Variants in TUBB8 observed in about 807,000 individuals in gnomAD.
The protein encoded by TUBB8 is tubulin beta-8 chain.
Under a neutral mutation model 33.7 loss-of-function variants are expected in TUBB8, and 25 were observed. That is an observed-to-expected ratio of 0.74 (90% CI 0.54 to 1.04). The LOEUF (loss-of-function observed/expected upper bound fraction) is 1.04. TUBB8 is among the 50% of genes least tolerant of loss of function. The pLI is 0.00. For synonymous variants in TUBB8, 245 were observed against 240.1 expected (o/e 1.02, Z -0.19); for missense variants, 279 against 608.0 (o/e 0.46, Z 5.69).
rs782708970 is a variant in TUBB8 at position 49,212 on chromosome 10, G to A, written c.27C>T (p.Ile9=). ...CGCCGATCTGATTCCCGCACTGCCC[G>A]ATCTGCGTGAGCACGATCTCCCTCA... is the stretch of plus-strand genomic sequence containing the variant. MREIVLTQ[I]GQCGNQIGAK... Residue 9 remains isoleucine, a synonymous_variant, in exon 1 of 4, where the codon ATC becomes ATT. Coordinates refer to ENST00000568584, the MANE Select transcript of TUBB8 (RefSeq NM_177987.3). 2.4e-5 allele frequency: 38 copies of A among 1,582,958 alleles called. No individual in the cohort carries two copies. The highest frequency in any genetic ancestry group is 4.2e-4 in the Middle Eastern group (2 of 4,722).
chr10:59,154 T>C (rs1212826362), intron 1 of TUBB8, among the ~76,000 whole-genome samples: 1 of 152,210 alleles, frequency 6.6e-6, no homozygotes, highest in Admixed American at 6.5e-5. Flanking sequence ...TTTTATCAAA[T>C]ACTTTTTTAG....
chr10:65,183 A>G (rs1370247304), intron 1 of TUBB8, among the ~76,000 whole-genome samples: 2 of 152,204 alleles, frequency 1.3e-5, no homozygotes, highest in Non-Finnish European at 2.9e-5. Flanking sequence ...GACAAAGGCT[A>G]CAGGCACTCT....
intron 1 of TUBB8, 72 bp from the exon 2 acceptor site, chr10:48,984 C>T: frequency 7.8e-7 from 1 of 1,283,350 alleles, no homozygotes; most frequent in African/African-American, 1.5e-5. Flanking sequence ...CTCCCACCCC[C>T]ACCCTCATCC....
intron 1 of TUBB8, among the ~76,000 whole-genome samples, chr10:73,805 G>C (rs1554742701): frequency 6.6e-6 from 1 of 151,540 alleles, no homozygotes; most frequent in African/African-American, 2.4e-5. Flanking sequence ...AAACAAACTC[G>C]CATTCCTAAC....
At chr10:69,006 A>G (rs1347278204) in intron 1 of TUBB8, among the ~76,000 whole-genome samples, 5 of 152,250 alleles carry the variant, frequency 3.3e-5, no homozygotes, top group Non-Finnish European at 7.3e-5. Flanking sequence ...GAAACACCTC[A>G]GCCCAATGCT....
chr10:62,493 T>C (rs369253073), intron 1 of TUBB8, among the ~76,000 whole-genome samples: 1 of 152,082 alleles, frequency 6.6e-6, no homozygotes, highest in African/African-American at 2.4e-5. Context: ...TTTTTACTGG[T>C]TTATTGTTTA....
At chr10:63,025 C>T (rs145945079) in intron 1 of TUBB8, among the ~76,000 whole-genome samples, 3,787 of 151,824 alleles carry the variant, frequency 0.025, 43 homozygotes, top group Middle Eastern at 0.068. Flanking sequence ...ATGTTGATAT[C>T]GAATGTTGGG....
upstream of TUBB8, among the ~76,000 whole-genome samples, chr10:53,040 A>C (rs1422599377): frequency 6.6e-6 from 1 of 152,142 alleles, no homozygotes; most frequent in Non-Finnish European, 1.5e-5. Context: ...ATTGGACATA[A>C]AGTAAACAAA....
At chr10:54,737 TA>T (rs1564207956) in intron 1 of TUBB8, among the ~76,000 whole-genome samples, 2 of 152,166 alleles carry the variant, frequency 1.3e-5, no homozygotes, top group East Asian at 3.8e-4. Context: ...TGCACTGCTA[TA>T]AAAAAACTGA....
rs782198535 is a variant in TUBB8, at chr10:48,640, G to C, written c.252C>G (p.Val84=). 1.9e-6 allele frequency: 3 copies of C among 1,612,260 alleles called. No homozygotes were observed. The highest frequency in any genetic ancestry group is 2.2e-5 in the South Asian group (2 of 91,000). ...DSVRSGPFGQ[V]FRPDNFIFGQ... ...CGAAGATGAAGTTGTCTGGCCTGAA[G>C]ACCTGCCCGAAGGGCCCCGAGCGCA... Residue 84 remains valine (V), a synonymous_variant, in exon 3 of 4, where the codon GTC becomes GTG. Transcript: ENST00000568584.
rs1380391957 is a variant in TUBB8, at chr10:70,537, ATATAAAT to A, written c.-846+3425_-846+3431del. The stretch of plus-strand genomic sequence containing the variant: ...AAGAATTCTGTAAAAAACTAGAAAG[ATATAAAT>A]TAGAAGTCAAATAAGAGAAACTTAT... On this transcript the variant is annotated intron_variant, in intron 1 of 3. Coordinates refer to the TUBB8 transcript ENST00000564130. Among the ~76,000 whole-genome samples the A allele has an allele frequency of 4.6e-5, 7 of 152,336 alleles. No homozygotes were observed. In the East Asian group the frequency reaches 1.3e-3, roughly 29 times the overall value.
intron 1 of TUBB8, among the ~76,000 whole-genome samples, chr10:61,691 T>C (rs1241759139): frequency 6.6e-6 from 1 of 152,250 alleles, no homozygotes; most frequent in Non-Finnish European, 1.5e-5. Flanking sequence ...ATGACTAAAG[T>C]AGGGTGTCGA....
chr10:71,692 T>C (rs1438288757), intron 1 of TUBB8, among the ~76,000 whole-genome samples: 1 of 147,880 alleles, frequency 6.8e-6, no homozygotes, highest in Non-Finnish European at 1.5e-5. Flanking sequence ...TTTGGGAGGC[T>C]GACATGTAAG....
chr10:66,030 A>C (rs78601024), intron 1 of TUBB8, among the ~76,000 whole-genome samples: 16,234 of 114,962 alleles, frequency 0.14, no homozygotes, highest in African/African-American at 0.28. Context: ...ACTTTAGCAC[A>C]ATCTCCATTG....
intron 3 of TUBB8, 78 bp from the exon 4 acceptor site, chr10:48,192 C>G: frequency 1.9e-6 from 2 of 1,034,530 alleles, no homozygotes; most frequent in Non-Finnish European, 3.0e-6. Flanking sequence ...CAGAAAGAGC[C>G]AAGCGTCACA....
At chr10:51,131 GTTTA>G (rs1223405061), upstream of TUBB8, among the ~76,000 whole-genome samples, 13 of 152,118 alleles carry the variant, frequency 8.5e-5, no homozygotes, top group East Asian at 5.8e-4. Context: ...AGATCTGATG[GTTTA>G]TTTATTTATT....
chr10:53,780 T>C (rs1834497312), upstream of TUBB8, among the ~76,000 whole-genome samples: 1 of 152,292 alleles, frequency 6.6e-6, no homozygotes, highest in Admixed American at 6.5e-5. Context: ...AAGCCCCTAT[T>C]GACTAAATGG....
intron 1 of TUBB8, among the ~76,000 whole-genome samples, chr10:55,386 C>A (rs1233472541): frequency 6.6e-6 from 1 of 152,154 alleles, no homozygotes; most frequent in Non-Finnish European, 1.5e-5. Flanking sequence ...CATATCACAT[C>A]GCTATTAATT....
chr10:49,462 G>T (rs1588273260), upstream of TUBB8: 26 of 686,020 alleles, frequency 3.8e-5, no homozygotes, highest in South Asian at 3.3e-4. Flanking sequence ...TCCTTGCGTG[G>T]TCCTTTCCAC....
Sources: gnomAD v4.1 joint callset for allele counts (sites outside exome capture counted in the v4.1 genomes callset) on GRCh38, gnomAD v4.1.1 for gene constraint, MANE v1.5 for transcripts, NCBI Gene and HGNC (gene_info 2026-07-23, HGNC 2026-07-21) for gene names.